The following SLC35E2B variants were observed in gnomAD, a reference collection of about 807,000 sequenced individuals.
SLC35E2B encodes solute carrier family 35, member E2B.
Under a neutral mutation model 32.4 loss-of-function variants are expected in SLC35E2B, and 18 were observed. That is an observed-to-expected ratio of 0.56 (90% CI 0.38 to 0.82). The LOEUF (loss-of-function observed/expected upper bound fraction) is 0.82, where lower values mean the gene tolerates loss of function less well. Ranked by LOEUF, SLC35E2B falls within the 40% of genes least tolerant of loss-of-function variation. The pLI, the probability that SLC35E2B is intolerant of heterozygous loss-of-function variation, is 0.00. For missense variants in SLC35E2B, 263 were observed against 469.5 expected (o/e 0.56, Z 4.06); for synonymous variants, 132 against 209.1 (o/e 0.63, Z 3.18).
Position 1,665,562 on chromosome 1 carries a change from A to G in SLC35E2B, c.*220T>C, listed in dbSNP as rs368924316. ...ACACGGGGATGGGCTCGGCGGACAC[A>G]GTCAGCTACTGGTCTGGTCTCTACT... On this transcript the variant is annotated 3_prime_UTR_variant, in exon 10 of 10. Transcript: ENST00000617444. 3.2e-5 allele frequency: 22 copies of G among 683,362 alleles called. No individual in the cohort carries two copies. The African/African-American group carries it at 3.4e-4, about 11-fold the overall frequency. 42.3% of individuals were successfully genotyped at this position (683,362 alleles called of 1,614,324 possible). A position where few individuals can be genotyped will look rare whatever the true frequency, so the allele number is the denominator to read the frequency against.
At position 1,689,032 on chromosome 1, in the gene SLC35E2B, C is replaced by T. The variant is rs537208713; in HGVS notation, c.-148+1944G>A. Among the ~76,000 whole-genome samples, 15 of 152,034 alleles carry T rather than the reference C, an allele frequency of 9.9e-5. No homozygotes were observed. In the South Asian group the frequency reaches 2.7e-3, roughly 27 times the overall value. On this transcript the variant is annotated intron_variant, in intron 2 of 9. Coordinates refer to ENST00000617444, the MANE Select transcript of SLC35E2B (RefSeq NM_001290264.2). ...CAAAAATACAAAAAACTTAGCTGGA[C>T]GTGGTGGTGGGTGCCAGTAGTCCCA... is the stretch of plus-strand genomic sequence containing the variant.
intron 8 of SLC35E2B, 129 bp downstream of exon 8, chr1:1,669,535 G>T: frequency 1.1e-6 from 1 of 899,148 alleles, no homozygotes; most frequent in Non-Finnish European, 1.6e-6. Context: ...ACTCAGCTAA[G>T]CAGGACCCGC....
chr1:1,662,808 A>C lies in SLC35E2B; in HGVS notation c.*2974T>G. On this transcript the variant is annotated 3_prime_UTR_variant, in exon 10 of 10. Transcript: ENST00000617444. The stretch of plus-strand genomic sequence containing the variant: ...GTTCAAGTGTTCTGTTCGTTTACAA[A>C]AGCACAGACCACGACCATGGACACA... 2 of 802,904 alleles carry C rather than the reference A, an allele frequency of 2.5e-6. No homozygotes were observed. Among genetic ancestry groups the C allele is most frequent in the Non-Finnish European group, 3.0e-6 (2 of 660,334 alleles). The allele number at this position is 802,904 out of a possible 1,614,324, so 49.7% of individuals were successfully genotyped here. A position where few individuals can be genotyped will look rare whatever the true frequency, so the allele number is the denominator to read the frequency against.
intron 8 of SLC35E2B, among the ~76,000 whole-genome samples, chr1:1,669,369 A>T (rs1167687842): frequency 5.9e-5 from 9 of 152,128 alleles, no homozygotes; most frequent in Non-Finnish European, 8.8e-5. Flanking sequence ...AAAATAAAAA[A>T]AAAAAGTTTT....
intron 2 of SLC35E2B, among the ~76,000 whole-genome samples, chr1:1,678,795 C>T (rs899969007): frequency 6.6e-6 from 1 of 152,202 alleles, no homozygotes; most frequent in African/African-American, 2.4e-5. Context: ...CCTCCATGGG[C>T]TGCAGCCTCC....
intron 2 of SLC35E2B, among the ~76,000 whole-genome samples, chr1:1,682,979 A>G (rs1643912981): frequency 6.6e-6 from 1 of 152,086 alleles, no homozygotes; most frequent in Non-Finnish European, 1.5e-5. Context: ...CAAGAGGTTG[A>G]GGCAGGAGAA....
intron 2 of SLC35E2B, among the ~76,000 whole-genome samples, chr1:1,683,996 G>A (rs1407634305): frequency 6.6e-6 from 1 of 152,164 alleles, no homozygotes; most frequent in African/African-American, 2.4e-5. Context: ...GGCCAGCGGC[G>A]GTGGCCCACA....
chr1:1,674,147 G>A (rs190885439), intron 5 of SLC35E2B: 1 of 172,924 alleles, frequency 5.8e-6, no homozygotes, highest in Admixed American at 5.9e-5. Context: ...CAAAAAAGGT[G>A]TACAAAAAAT....
rs1644028231 is a variant in SLC35E2B at position 1,692,565 on chromosome 1, G to A, written c.-682C>T. ...GCGCGGTGGAGGGGCCGGGCGCGAG[G>A]CCGCGGAGACAGCTCGGAGCTCGGC... On this transcript the variant is annotated 5_prime_UTR_variant, in exon 1 of 10. Transcript: ENST00000617444. 2 of 985,816 alleles carry A rather than the reference G, an allele frequency of 2.0e-6. No homozygotes were observed. Among genetic ancestry groups the A allele is most frequent in the Non-Finnish European group, 2.4e-6 (2 of 830,422 alleles). 61.1% of individuals were successfully genotyped at this position (985,816 alleles called of 1,614,324 possible). A position where few individuals can be genotyped will look rare whatever the true frequency, so the allele number is the denominator to read the frequency against.
At position 1,663,716 on chromosome 1, in the gene SLC35E2B, G is replaced by A. The variant is rs190231537; in HGVS notation, c.*2066C>T. 1 of 471,984 alleles carries A rather than the reference G, an allele frequency of 2.1e-6. No individual in the cohort carries two copies. The highest frequency in any genetic ancestry group is 7.9e-5 in the South Asian group (1 of 12,644). 29.2% of individuals were successfully genotyped at this position (471,984 alleles called of 1,614,324 possible). A position where few individuals can be genotyped will look rare whatever the true frequency, so the allele number is the denominator to read the frequency against. ...GAACTCCTGGCCTTGTGATCCGCCAGCTGCTGCCTCCCAAAGTGCTGCGAT... is the reference window on the plus strand; with the variant it reads ...GAACTCCTGGCCTTGTGATCCGCCAACTGCTGCCTCCCAAAGTGCTGCGAT... On this transcript the variant is annotated 3_prime_UTR_variant, in exon 10 of 10. Coordinates refer to ENST00000617444, the MANE Select transcript of SLC35E2B (RefSeq NM_001290264.2).
chr1:1,674,921 G>A (rs193246789), intron 5 of SLC35E2B, among the ~76,000 whole-genome samples: 1,545 of 152,234 alleles, frequency 0.01, 31 homozygotes, highest in African/African-American at 0.032. Context: ...CACTGGGTAC[G>A]CGACATGGGG....
chr1:1,669,398 T>C (rs1251548889), intron 8 of SLC35E2B, among the ~76,000 whole-genome samples: 1 of 151,784 alleles, frequency 6.6e-6, no homozygotes, highest in East Asian at 1.9e-4. Flanking sequence ...AAAAAAGAAA[T>C]TAAGCTAACC....
At chr1:1,670,175 G>C in intron 6 of SLC35E2B, 24 bp from the exon 7 acceptor site, 1 of 1,518,948 alleles carries the variant, frequency 6.6e-7, no homozygotes, top group Non-Finnish European at 8.9e-7. Flanking sequence ...AAGAGGTTAT[G>C]CATCAATACT....
chr1:1,669,588 G>C (rs568049886), intron 8 of SLC35E2B, 76 bp downstream of exon 8: 2 of 1,413,128 alleles, frequency 1.4e-6, no homozygotes, highest in South Asian at 2.8e-5. Flanking sequence ...CCTGGAAACG[G>C]AAGTCATTCT....
chr1:1,684,913 C>G (rs1247330345), intron 2 of SLC35E2B, among the ~76,000 whole-genome samples: 3 of 151,052 alleles, frequency 2.0e-5, no homozygotes, highest in African/African-American at 7.3e-5. Flanking sequence ...CGAGACCAGC[C>G]TGATCAACAT....
At chr1:1,669,996 A>G in intron 7 of SLC35E2B, 102 bp downstream of exon 7, 2 of 1,132,586 alleles carry the variant, frequency 1.8e-6, no homozygotes, top group Non-Finnish European at 2.6e-6. Flanking sequence ...CCCAAGCCAG[A>G]CAGGAAGGGA....
At chr1:1,679,041 C>T (rs28377214) in intron 2 of SLC35E2B, among the ~76,000 whole-genome samples, 10 of 152,146 alleles carry the variant, frequency 6.6e-5, no homozygotes, top group East Asian at 1.9e-4. Flanking sequence ...CTAGGCCTCA[C>T]GGCCCTTGAC....
chr1:1,683,025 C>T (rs1643913275), intron 2 of SLC35E2B, among the ~76,000 whole-genome samples: 1 of 151,912 alleles, frequency 6.6e-6, no homozygotes, highest in East Asian at 1.9e-4. Flanking sequence ...CGCAGTGAGC[C>T]GACATCGAGA....
Position 1,689,926 on chromosome 1 carries a change from G to A in SLC35E2B, c.-148+1050C>T, listed in dbSNP as rs190653623. On this transcript the variant is annotated intron_variant, in intron 2 of 9. Coordinates refer to ENST00000617444, the MANE Select transcript of SLC35E2B (RefSeq NM_001290264.2). Reference sequence around the variant, plus strand: ...TGCTTGAACCCAGGACGGGGAGGTTGCAGTGAGCCCAGACTGCGCCGCTGC... The same window carrying A: ...TGCTTGAACCCAGGACGGGGAGGTTACAGTGAGCCCAGACTGCGCCGCTGC... Among the ~76,000 whole-genome samples, 511 of 150,082 alleles carry A rather than the reference G, an allele frequency of 3.4e-3. 9 individuals carry two copies. Among genetic ancestry groups the A allele is most frequent in the African/African-American group, 0.012 (494 of 41,042 alleles).
Sources: allele counts gnomAD v4.1 joint callset (sites outside exome capture counted in the v4.1 genomes callset), GRCh38; gene constraint gnomAD v4.1.1; transcripts MANE v1.5; gene names NCBI Gene and HGNC (gene_info 2026-07-23, HGNC 2026-07-21).